PTCH2: variants seen among roughly 807,000 people sequenced by gnomAD.
The protein encoded by PTCH2 is patched 2.
PTCH2 carries 96 observed loss-of-function variants against 117.9 expected under a neutral mutation model. The observed-to-expected ratio is 0.81, with a 90% confidence interval of 0.69 to 0.96. The LOEUF is 0.96. PTCH2 is among the 50% of genes least tolerant of loss of function. The probability of loss-of-function intolerance (pLI) is 0.00; values close to 1 mark genes in which losing one functional copy is unlikely to be tolerated. For synonymous variants in PTCH2, 615 were observed against 660.9 expected (o/e 0.93, Z 1.06); for missense variants, 1,379 against 1,562.5 (o/e 0.88, Z 1.98).
At chr1:44,839,724 T>C (rs1298270414) in intron 2 of PTCH2, among the ~76,000 whole-genome samples, 4 of 152,058 alleles carry the variant, frequency 2.6e-5, no homozygotes, top group African/African-American at 4.8e-5. Context: ...TGTATGTGCG[T>C]GTATGCACAT....
downstream of PTCH2, chr1:44,820,158 A>T: frequency 2.9e-6 from 1 of 348,490 alleles, no homozygotes; most frequent in South Asian, 2.1e-5. Flanking sequence ...GCGCGCACAG[A>T]GGGAGTGCAA....
intron 3 of PTCH2, 49 bp downstream of exon 3, chr1:44,832,103 C>T (rs748642997): frequency 1.2e-6 from 2 of 1,613,258 alleles, no homozygotes; most frequent in African/African-American, 2.7e-5. Flanking sequence ...CTCCAGAACC[C>T]CCACAGCACG....
At position 44,843,055 on chromosome 1, in the gene PTCH2, G is replaced by C. The variant is rs1251092973; in HGVS notation, c.-123C>G. 4 of 1,429,054 alleles carry C rather than the reference G, an allele frequency of 2.8e-6. No homozygotes were observed. The highest frequency in any genetic ancestry group is 3.6e-6 in the Non-Finnish European group (4 of 1,096,080). The allele number at this position is 1,429,054 out of a possible 1,614,324, so 88.5% of individuals were successfully genotyped here. A position where few individuals can be genotyped will look rare whatever the true frequency, so the allele number is the denominator to read the frequency against. Reference sequence around the variant, plus strand: ...GGATTCAGTGGGGCCGCCAAGGCGCGGGCGTGGGAGAGACTGTGGGGTGTG... The same window carrying C: ...GGATTCAGTGGGGCCGCCAAGGCGCCGGCGTGGGAGAGACTGTGGGGTGTG... On this transcript the variant is annotated 5_prime_UTR_variant, in exon 1 of 22. Transcript: ENST00000372192.
chr1:44,841,963 C>G lies in PTCH2; in HGVS notation c.149G>C (p.Gly50Ala). 1 of 1,614,132 alleles carries G rather than the reference C, an allele frequency of 6.2e-7. No homozygotes were observed. The highest frequency in any genetic ancestry group is 8.5e-7 in the Non-Finnish European group (1 of 1,179,946). ...FQGLLFSLGCGIQRHCGKVLF... is the reference protein window; with the variant it reads ...FQGLLFSLGCAIQRHCGKVLF... ...CACTTTGCCACAATGTCTCTGGATC[C>G]CGCATCCCAGAGAGAAGAGCAGGCC... Residue 50 changes from glycine (G) to alanine (A), a missense_variant, in exon 2 of 22, where the codon GGG becomes GCG. Physicochemically the swap from Gly to Ala is moderately conservative, Grantham distance 60. Coordinates refer to ENST00000372192, the MANE Select transcript of PTCH2 (RefSeq NM_003738.5).
downstream of PTCH2, among the ~76,000 whole-genome samples, chr1:44,821,347 C>A (rs1652903634): frequency 6.6e-6 from 1 of 152,230 alleles, no homozygotes; most frequent in South Asian, 2.1e-4. Flanking sequence ...GCAGTTCCCG[C>A]AACTGATCCA....
In PTCH2 at chr1:44,826,998, C is replaced by T. The variant is rs1460707313; in HGVS notation, c.2599G>A (p.Asp867Asn). ...YMGLTVWVSS[D>N]PLGLAASQAN... is the part of the protein sequence containing the mutation. ...TGTGAGGCTGCCAGACCCAGGGGGT[C>T]ACTGCTCACCCACACGGTCAGCCCC... The change falls in exon 17 of 22, where the codon GAC becomes AAC. Residue 867 changes from aspartate to asparagine, a missense_variant. Transcript: ENST00000372192. The surrounding 1 kb of genome is among the most constrained non-coding windows in gnomAD (Gnocchi z 5.1). 2 of 1,614,088 alleles carry T rather than the reference C, an allele frequency of 1.2e-6. No individual in the cohort carries two copies. The highest frequency in any genetic ancestry group is 2.2e-5 in the East Asian group (1 of 44,874).
chr1:44,821,632 G>T, downstream of PTCH2: 1 of 397,028 alleles, frequency 2.5e-6, no homozygotes, highest in Non-Finnish European at 3.4e-6. Context: ...GGAGAGACGG[G>T]CAGGCTGGAA....
intron 19 of PTCH2, among the ~76,000 whole-genome samples, chr1:44,825,078 C>T (rs1653082130): frequency 1.3e-5 from 2 of 152,192 alleles, no homozygotes; most frequent in South Asian, 2.1e-4. Flanking sequence ...TTGTCTACTC[C>T]TCTCTACTGA....
downstream of PTCH2, among the ~76,000 whole-genome samples, chr1:44,821,405 T>TA (rs1652904865): frequency 1.3e-5 from 2 of 152,220 alleles, no homozygotes; most frequent in Admixed American, 6.5e-5. Context: ...ACAACCAACT[T>TA]ACAGAGGCCT....
intron 2 of PTCH2, among the ~76,000 whole-genome samples, chr1:44,832,944 G>C (rs1019626305): frequency 6.6e-6 from 1 of 152,100 alleles, no homozygotes; most frequent in Admixed American, 6.5e-5. Context: ...GTGTTGGTGT[G>C]GGGGAGAGGG....
rs2148878022 is a variant in PTCH2 at position 44,829,682 on chromosome 1, G to A, written c.1015C>T (p.His339Tyr). The change falls in exon 8 of 22, where the codon CAT becomes TAT. Residue 339 changes from histidine to tyrosine, a missense_variant. Physicochemically the swap from His to Tyr is moderately conservative, Grantham distance 83. Transcript: ENST00000372192. ...YEHFRGDYQT[H>Y]DIGWSEEQAS... ...TGCTCCTCACTCCAGCCAATGTCAT[G>A]TGTCTGATAGTCACCCCGGAAATGC... The A allele has an allele frequency of 3.1e-6, 5 of 1,614,212 alleles. No individual in the cohort carries two copies. In the East Asian group the frequency reaches 1.1e-4, roughly 36 times the overall value.
chr1:44,843,066 AGACT>A lies in PTCH2; in HGVS notation c.-138_-135del. 1 of 1,423,520 alleles carries A rather than the reference AGACT, an allele frequency of 7.0e-7. No individual in the cohort carries two copies. Among genetic ancestry groups the A allele is most frequent in the Non-Finnish European group, 9.1e-7 (1 of 1,093,518 alleles). 88.2% of individuals were successfully genotyped at this position (1,423,520 alleles called of 1,614,324 possible). On this transcript the variant is annotated 5_prime_UTR_variant, in exon 1 of 22. Coordinates refer to ENST00000372192, the MANE Select transcript of PTCH2 (RefSeq NM_003738.5). ...GGCCGCCAAGGCGCGGGCGTGGGAG[AGACT>A]GTGGGGTGTGGGTGTTAAAGCGGCT...
rs769148973 is a variant in PTCH2 at position 44,829,024 on chromosome 1, C to T, written c.1422G>A (p.Leu474=). Residue 474 remains leucine, a synonymous_variant, in exon 11 of 22, where the codon CTG becomes CTA. Transcript: ENST00000372192. The part of the protein sequence containing the change: ...LGIGVDDVFL[L]AHAFTEALPG... ...GCAGAGCCTCTGTGAAGGCATGCGC[C>T]AGCAGGAATACGTCATCCACGCCGA... is the stretch of plus-strand genomic sequence containing the variant. 3.2e-6 allele frequency: 5 copies of T among 1,583,810 alleles called. No homozygotes were observed. The East Asian group carries it at 1.2e-4, about 37-fold the overall frequency.
rs1483213853 is a variant in PTCH2 at position 44,827,026 on chromosome 1, G to A, written c.2571C>T (p.Tyr857=). ...TGCTCACCCACACGGTCAGCCCCAT[G>A]TAGAAGAGCTCGGGTGGAATCAGTC... ...REGLIPPELF[Y]MGLTVWVSSD... The change falls in exon 17 of 22, where the codon TAC becomes TAT. Residue 857 remains tyrosine (Y), a synonymous_variant. Coordinates refer to ENST00000372192, the MANE Select transcript of PTCH2 (RefSeq NM_003738.5). 1.4e-5 allele frequency: 23 copies of A among 1,614,144 alleles called. No individual in the cohort carries two copies. The highest frequency in any genetic ancestry group is 2.2e-5 in the East Asian group (1 of 44,878).
rs777212373 is a variant in PTCH2 at position 44,831,977 on chromosome 1, G to A, written c.523C>T (p.Arg175Trp). The change falls in exon 4 of 22, where the codon CGG becomes TGG. Residue 175 changes from arginine to tryptophan, a missense_variant and splice_region_variant. Coordinates refer to ENST00000372192, the MANE Select transcript of PTCH2 (RefSeq NM_003738.5). The surrounding 1 kb of genome is among the most constrained non-coding windows in gnomAD (Gnocchi z 4.3). Reference protein sequence around the residue: ...VPLIENGMIERMIEKLFPCVI... With the variant: ...VPLIENGMIEWMIEKLFPCVI... ...CTACTCCCTCTCAGGACACTTACCC[G>A]CTCAATCATTCCATTTTCAATAAGG... The A allele has an allele frequency of 9.0e-5, 145 of 1,611,034 alleles. No homozygotes were observed. The highest frequency in any genetic ancestry group is 1.2e-4 in the Non-Finnish European group (141 of 1,177,432).
In PTCH2 at chr1:44,828,150, A is replaced by C. The variant is rs1328908994; in HGVS notation, c.1751T>G (p.Leu584Arg). 1.2e-6 allele frequency: 2 copies of C among 1,613,916 alleles called. No homozygotes were observed. Among genetic ancestry groups the C allele is most frequent in the Non-Finnish European group, 1.7e-6 (2 of 1,180,032 alleles). Reference sequence around the variant, plus strand: ...GCCCACTGGTACTGTCCCGTCCCCCAGCTCCTGGGGCAGGATCTGAATCAC... The same window carrying C: ...GCCCACTGGTACTGTCCCGTCCCCCCGCTCCTGGGGCAGGATCTGAATCAC... ...AQVIQILPQE[L>R]GDGTVPVGIA... Residue 584 changes from leucine to arginine, a missense_variant, in exon 14 of 22, where the codon CTG becomes CGG. By Grantham distance (102) the Leu-to-Arg change is moderately radical (BLOSUM62 -2). Coordinates refer to ENST00000372192, the MANE Select transcript of PTCH2 (RefSeq NM_003738.5).
At chr1:44,839,941 G>C (rs1051005496) in intron 2 of PTCH2, among the ~76,000 whole-genome samples, 4 of 151,914 alleles carry the variant, frequency 2.6e-5, no homozygotes, top group African/African-American at 9.7e-5. Context: ...ATAACTCGAG[G>C]GTGTGAGACT....
rs369544360 is a variant in PTCH2, at chr1:44,823,347, G to A, written c.3153C>T (p.Ala1051=). ...CAAATGTGTGCTCAAGGGCATGGGC[G>A]GCCCGCAGGTTCCGGCTGCCCTGGG... is the stretch of plus-strand genomic sequence containing the variant. ...LTTQGSRNLR[A]AHALEHTFAP... is the part of the protein sequence containing the mutation. Residue 1051 remains alanine (A), a synonymous_variant, in exon 20 of 22, where the codon GCC becomes GCT. Coordinates refer to ENST00000372192, the MANE Select transcript of PTCH2 (RefSeq NM_003738.5). This position sits in a 1 kb window ranked among gnomAD's most constrained non-coding sequence, Gnocchi z 5.1. The A allele has an allele frequency of 8.1e-6, 13 of 1,614,096 alleles. No homozygotes were observed. The highest frequency in any genetic ancestry group is 6.7e-5 in the East Asian group (3 of 44,896).
Position 44,843,147 on chromosome 1 carries a change from AC to A in PTCH2, c.-216del. ...GGTCCGGGGCGCGGCGCCGGGATTC[AC>A]CCGCTCCGTGGGCCGTGGGCCGCGG... On this transcript the variant is annotated 5_prime_UTR_variant, in exon 1 of 22. Coordinates refer to ENST00000372192, the MANE Select transcript of PTCH2 (RefSeq NM_003738.5). The A allele has an allele frequency of 7.7e-7, 1 of 1,293,252 alleles. No individual in the cohort carries two copies. The highest frequency in any genetic ancestry group is 9.8e-7 in the Non-Finnish European group (1 of 1,022,032). The allele number at this position is 1,293,252 out of a possible 1,614,324, so 80.1% of individuals were successfully genotyped here.
Sources: gnomAD v4.1 joint callset for allele counts (sites outside exome capture counted in the v4.1 genomes callset) on GRCh38, gnomAD v4.1.1 for gene constraint, Gnocchi (gnomAD v3.1) non-coding constraint, MANE v1.5 for transcripts, NCBI Gene and HGNC (gene_info 2026-07-23, HGNC 2026-07-21) for gene names.